FARS2: variants seen among roughly 807,000 people sequenced by gnomAD.
FARS2 encodes the protein phenylalanine--tRNA ligase, mitochondrial.
In FARS2, 40 loss-of-function variants were observed where a neutral mutation model predicts 46.4. That is an observed-to-expected ratio of 0.86 (90% confidence interval 0.67 to 1.12). The LOEUF (loss-of-function observed/expected upper bound fraction) is 1.12. FARS2 is among the 50% of genes most tolerant of loss of function. The pLI, the probability that FARS2 is intolerant of heterozygous loss-of-function variation, is 0.00. For synonymous variants in FARS2, 234 were observed against 214.9 expected (o/e 1.09, Z -0.78); for missense variants, 513 against 567.9 (o/e 0.90, Z 0.98).
At chr6:5,692,210 G>A (rs1420361410) in intron 6 of FARS2, among the ~76,000 whole-genome samples, 1 of 152,166 alleles carries the variant, frequency 6.6e-6, no homozygotes, top group Non-Finnish European at 1.5e-5. Flanking sequence ...CCCACTGTCC[G>A]ACACTGCCCA....
intron 6 of FARS2, among the ~76,000 whole-genome samples, chr6:5,635,087 A>C: frequency 6.6e-6 from 1 of 152,186 alleles, no homozygotes; most frequent in Non-Finnish European, 1.5e-5. Flanking sequence ...TCACCTCTCT[A>C]AGCGTCAATT....
chr6:5,506,799 C>T (rs1226295574), intron 4 of FARS2, among the ~76,000 whole-genome samples: 2 of 152,198 alleles, frequency 1.3e-5, no homozygotes, highest in African/African-American at 4.8e-5. Context: ...GATGGAGAAT[C>T]GCTCTGAAAG....
rs1765830550 is a variant in FARS2, at chr6:5,471,992, A to T, written c.904+40820A>T. Reference sequence around the variant, plus strand: ...ATTCAGAATAGTCCCCCAGCTCCTTATCCCACATGGAGTTTTAATTTCCTT... The same window carrying T: ...ATTCAGAATAGTCCCCCAGCTCCTTTTCCCACATGGAGTTTTAATTTCCTT... On this transcript the variant is annotated intron_variant, in intron 4 of 6. Coordinates refer to ENST00000274680, the MANE Select transcript of FARS2 (RefSeq NM_006567.5). This position sits in a 1 kb window ranked among gnomAD's most constrained non-coding sequence, Gnocchi z 4.1. Among the ~76,000 whole-genome samples the T allele has an allele frequency of 6.6e-6, 1 of 152,216 alleles. No individual in the cohort carries two copies. The highest frequency in any genetic ancestry group is 2.1e-4 in the South Asian group (1 of 4,830).
At chr6:5,288,453 C>T (rs1581699023) in intron 1 of FARS2, among the ~76,000 whole-genome samples, 1 of 152,190 alleles carries the variant, frequency 6.6e-6, no homozygotes, top group South Asian at 2.1e-4. Flanking sequence ...TGGAGCACCT[C>T]GTTTGATACC....
chr6:5,624,282 C>CA (rs2150703723), intron 6 of FARS2, among the ~76,000 whole-genome samples: 1 of 152,336 alleles, frequency 6.6e-6, no homozygotes, highest in Non-Finnish European at 1.5e-5. Flanking sequence ...CATCACATAG[C>CA]AGCCCTGCTT....
At chr6:5,613,364 T>C in intron 6 of FARS2, 44 bp downstream of exon 6, 1 of 1,557,830 alleles carries the variant, frequency 6.4e-7, no homozygotes, top group Non-Finnish European at 8.7e-7. Context: ...TATCTCTGTG[T>C]GATAAATGTC....
intron 3 of FARS2, among the ~76,000 whole-genome samples, chr6:5,430,279 A>G (rs1382211712): frequency 6.6e-6 from 1 of 152,114 alleles, no homozygotes; most frequent in East Asian, 1.9e-4. Context: ...TGACCCTCTG[A>G]TATGGTTTCT....
At position 5,428,952 on chromosome 6, in the gene FARS2, C is replaced by A. The variant is rs115881250; in HGVS notation, c.773-2089C>A. On this transcript the variant is annotated intron_variant, in intron 3 of 6. Transcript: ENST00000274680. ...ACAACACAGGTGAATCTTAAAATAA[C>A]CCTGATGAAAGAAGCAAGAAAAAAA... Among the ~76,000 whole-genome samples, 434 of 152,238 alleles carry A rather than the reference C, an allele frequency of 2.9e-3. 1 individual carries two copies. The highest frequency in any genetic ancestry group is 0.018 in the South Asian group (89 of 4,830).
chr6:5,531,855 T>A (rs1769859638), intron 4 of FARS2, among the ~76,000 whole-genome samples: 1 of 152,200 alleles, frequency 6.6e-6, no homozygotes, highest in Non-Finnish European at 1.5e-5. Context: ...TGTGCTGACC[T>A]TTCTAGGCCT....
At chr6:5,709,767 T>C (rs756016900) in intron 6 of FARS2, among the ~76,000 whole-genome samples, 1 of 151,286 alleles carries the variant, frequency 6.6e-6, no homozygotes, top group Non-Finnish European at 1.5e-5. Context: ...TGTGTGTGTG[T>C]GAGATTCTGA....
intron 4 of FARS2, among the ~76,000 whole-genome samples, chr6:5,443,112 C>T (rs140828283): frequency 3.3e-5 from 5 of 152,184 alleles, no homozygotes; most frequent in Non-Finnish European, 7.3e-5. Flanking sequence ...TTTCCAGTTT[C>T]CCCCCATCAA....
At chr6:5,488,817 C>CTTCCTG in intron 4 of FARS2, among the ~76,000 whole-genome samples, 1 of 152,142 alleles carries the variant, frequency 6.6e-6, no homozygotes, top group East Asian at 1.9e-4. Flanking sequence ...TCCATCATTT[C>CTTCCTG]TTCCTGCTTT....
At chr6:5,400,540 A>G (rs1761194211) in intron 2 of FARS2, among the ~76,000 whole-genome samples, 1 of 151,910 alleles carries the variant, frequency 6.6e-6, no homozygotes, top group Non-Finnish European at 1.5e-5. Flanking sequence ...GTGACTTACT[A>G]TGTGATCAAT....
chr6:5,456,603 C>T (rs1240166558), intron 4 of FARS2, among the ~76,000 whole-genome samples: 10 of 151,298 alleles, frequency 6.6e-5, no homozygotes, highest in African/African-American at 1.9e-4. Context: ...CTTGGTGGTG[C>T]GTGCCTGTAA....
chr6:5,386,896 T>C (rs1024155648), intron 2 of FARS2, among the ~76,000 whole-genome samples: 2 of 152,148 alleles, frequency 1.3e-5, no homozygotes, highest in African/African-American at 4.8e-5. Context: ...AGATATGTGA[T>C]CTATGGGCAT....
chr6:5,754,148 A>G (rs1195070799), intron 6 of FARS2, among the ~76,000 whole-genome samples: 2 of 152,226 alleles, frequency 1.3e-5, no homozygotes, highest in African/African-American at 4.8e-5. Context: ...TCTCATACAC[A>G]TATATCTATC....
At chr6:5,271,005 T>C (rs1276542858) in intron 1 of FARS2, among the ~76,000 whole-genome samples, 3 of 152,216 alleles carry the variant, frequency 2.0e-5, no homozygotes, top group Admixed American at 2.0e-4. Flanking sequence ...TGAATTGCTC[T>C]TCAGCTTAGA....
At chr6:5,664,601 A>G (rs893471857) in intron 6 of FARS2, among the ~76,000 whole-genome samples, 2 of 152,224 alleles carry the variant, frequency 1.3e-5, no homozygotes, top group African/African-American at 2.4e-5. Context: ...AATATCCTAT[A>G]ATCTATGACT....
chr6:5,586,102 G>A (rs2150591276), intron 5 of FARS2, among the ~76,000 whole-genome samples: 1 of 152,062 alleles, frequency 6.6e-6, no homozygotes, highest in Middle Eastern at 3.4e-3. Context: ...TTGTCTATTA[G>A]TTCTAACAGA....
Sources: gnomAD v4.1 joint callset for allele counts (sites outside exome capture counted in the v4.1 genomes callset) on GRCh38, gnomAD v4.1.1 for gene constraint, Gnocchi (gnomAD v3.1) non-coding constraint, MANE v1.5 for transcripts, NCBI Gene and HGNC (gene_info 2026-07-23, HGNC 2026-07-21) for gene names.